The following CNNM2 variants were observed in gnomAD, a reference collection of about 807,000 sequenced individuals.
CNNM2 encodes the protein cyclin and CBS domain divalent metal cation transport mediator 2, also known as metal transporter CNNM2.
A neutral mutation model predicts 66.9 loss-of-function variants in CNNM2; 12 were observed. The ratio of observed to expected loss-of-function variants is 0.18; its 90% confidence interval spans 0.11 to 0.29. The LOEUF (loss-of-function observed/expected upper bound fraction) is 0.29, where lower values mean the gene tolerates loss of function less well. Among genes scored for constraint, CNNM2 ranks in the 10% least tolerant of loss-of-function variants. CNNM2 has a pLI of 1.00. For synonymous variants in CNNM2, 557 were observed against 501.8 expected (o/e 1.11, Z -1.47); for missense variants, 705 against 1,167.7 (o/e 0.60, Z 5.77).
At chr10:103,025,555 T>C (rs750419597) in intron 1 of CNNM2, among the ~76,000 whole-genome samples, 3 of 152,244 alleles carry the variant, frequency 2.0e-5, no homozygotes, top group Admixed American at 1.3e-4. Context: ...TCAACAGGCA[T>C]TGGAAGATGG....
intron 5 of CNNM2, among the ~76,000 whole-genome samples, chr10:103,070,905 A>G (rs2065568144): frequency 6.6e-6 from 1 of 151,734 alleles, no homozygotes; most frequent in Middle Eastern, 3.4e-3. Flanking sequence ...ACTCCAGCCC[A>G]GGTGACAGAG....
chr10:102,983,921 C>T (rs866080203), intron 1 of CNNM2, among the ~76,000 whole-genome samples: 76 of 152,040 alleles, frequency 5.0e-4, no homozygotes, highest in African/African-American at 1.1e-3. Context: ...CCCGCCACCA[C>T]GCCTGGCTAA....
At chr10:102,930,632 A>C (rs1846031309) in intron 1 of CNNM2, among the ~76,000 whole-genome samples, 1 of 152,220 alleles carries the variant, frequency 6.6e-6, no homozygotes, top group African/African-American at 2.4e-5. Flanking sequence ...AAGGTTGTGC[A>C]GTCATTACTA....
At chr10:103,051,843 A>C (rs1169641120) in intron 2 of CNNM2, among the ~76,000 whole-genome samples, 1 of 152,176 alleles carries the variant, frequency 6.6e-6, no homozygotes, top group African/African-American at 2.4e-5. Context: ...TTTTATCCTC[A>C]CATCTGAATA....
chr10:103,035,636 TC>T (rs1295615391), intron 1 of CNNM2, among the ~76,000 whole-genome samples: 3 of 152,220 alleles, frequency 2.0e-5, no homozygotes, highest in Non-Finnish European at 4.4e-5. Context: ...ACTGGAATTT[TC>T]TATTAATTGC....
At chr10:103,024,719 C>T (rs915469811) in intron 1 of CNNM2, among the ~76,000 whole-genome samples, 4 of 152,182 alleles carry the variant, frequency 2.6e-5, no homozygotes, top group Non-Finnish European at 2.9e-5. Flanking sequence ...ACCTCGTGAT[C>T]GACCCACTTC....
rs1321998364 is a variant in CNNM2 at position 102,987,147 on chromosome 10, A to G, written c.1622-62560A>G. ...GGAAGAAAACCAGAGGGTTTAGGGT[A>G]CAAAGGCTGAGGGTGGAGAGTTTGA... On this transcript the variant is annotated intron_variant, in intron 1 of 7. Coordinates refer to ENST00000369878, the MANE Select transcript of CNNM2 (RefSeq NM_017649.5). 2.6e-5 allele frequency among the ~76,000 whole-genome samples: 4 copies of G among 152,180 alleles called. No homozygotes were observed. In the East Asian group the frequency reaches 7.7e-4, roughly 29 times the overall value.
chr10:102,979,033 G>A (rs1405372199), intron 1 of CNNM2, among the ~76,000 whole-genome samples: 1 of 152,106 alleles, frequency 6.6e-6, no homozygotes, highest in African/African-American at 2.4e-5. Flanking sequence ...TTCTGCTAAT[G>A]GGCATTCAGA....
At chr10:103,030,163 A>G (rs2064796646) in intron 1 of CNNM2, among the ~76,000 whole-genome samples, 1 of 152,210 alleles carries the variant, frequency 6.6e-6, no homozygotes, top group Non-Finnish European at 1.5e-5. Context: ...GAGCAAAGCT[A>G]TGGGAGATGT....
rs2065757408 is a variant in CNNM2, at chr10:103,081,576, GGA to G, written c.*4403_*4404del. 1 of 152,148 alleles carries G rather than the reference GGA, an allele frequency of 6.6e-6. No individual in the cohort carries two copies. The highest frequency in any genetic ancestry group is 1.5e-5 in the Non-Finnish European group (1 of 68,036). 9.4% of individuals were successfully genotyped at this position (152,148 alleles called of 1,614,324 possible). On this transcript the variant is annotated 3_prime_UTR_variant, in exon 8 of 8. Coordinates refer to ENST00000369878, the MANE Select transcript of CNNM2 (RefSeq NM_017649.5). ...TCTTAGGTGTTCAAGTTGGTTAATA[GGA>G]GAGAGACGTTCAGAGACTTCTAAGT...
At chr10:103,017,107 G>A (rs1218525363) in intron 1 of CNNM2, among the ~76,000 whole-genome samples, 1 of 152,038 alleles carries the variant, frequency 6.6e-6, no homozygotes. Flanking sequence ...ACTTGGAAAG[G>A]TTTTATTCCT....
At position 103,054,515 on chromosome 10, in the gene CNNM2, G is replaced by C. The variant is rs202107466; in HGVS notation, c.1903+49G>C. The C allele has an allele frequency of 1.9e-6, 3 of 1,590,092 alleles. No individual in the cohort carries two copies. The highest frequency in any genetic ancestry group is 2.6e-6 in the Non-Finnish European group (3 of 1,164,736). ...GAGATCTCTACCAACCCTGAAGCGT[G>C]TTTCTCACCCACCACTGACTGGGGT... is the stretch of plus-strand genomic sequence containing the variant. On this transcript the variant is annotated intron_variant, in intron 3 of 7. Coordinates refer to ENST00000369878, the MANE Select transcript of CNNM2 (RefSeq NM_017649.5). The surrounding 1 kb of genome is among the most constrained non-coding windows in gnomAD (Gnocchi z 5.2).
rs775317544 is a variant in CNNM2 at position 103,054,481 on chromosome 10, T to A, written c.1903+15T>A. On this transcript the variant is annotated intron_variant, in intron 3 of 7. Transcript: ENST00000369878. The surrounding 1 kb of genome is among the most constrained non-coding windows in gnomAD (Gnocchi z 5.2). ...CCTAGCAACAGGCAAGTGCAGCTTA[T>A]CACAGTTTGAGATCTCTACCAACCC... The A allele has an allele frequency of 1.6e-5, 26 of 1,612,990 alleles. No homozygotes were observed. The South Asian group carries it at 2.7e-4, about 17-fold the overall frequency.
At chr10:102,997,529 G>C (rs1057165204) in intron 1 of CNNM2, among the ~76,000 whole-genome samples, 18 of 152,102 alleles carry the variant, frequency 1.2e-4, no homozygotes, top group Non-Finnish European at 2.6e-4. Flanking sequence ...AGACAGATGT[G>C]AGGTCTAGAT....
intron 1 of CNNM2, among the ~76,000 whole-genome samples, chr10:103,012,077 C>T (rs1020932260): frequency 1.3e-5 from 2 of 152,120 alleles, no homozygotes; most frequent in African/African-American, 4.8e-5. Flanking sequence ...TCAGAGGCAG[C>T]CATTGTTATT....
chr10:103,022,684 C>T (rs1268410022), intron 1 of CNNM2, among the ~76,000 whole-genome samples: 1 of 152,104 alleles, frequency 6.6e-6, no homozygotes, highest in Admixed American at 6.6e-5. Context: ...ATGTATTAGT[C>T]CATTTGCATT....
chr10:102,949,600 A>G (rs1846751412), intron 1 of CNNM2, among the ~76,000 whole-genome samples: 1 of 151,866 alleles, frequency 6.6e-6, no homozygotes, highest in Admixed American at 6.6e-5. Flanking sequence ...CCTGGCCAAT[A>G]TGGAGAAACC....
intron 1 of CNNM2, among the ~76,000 whole-genome samples, chr10:103,032,311 C>T (rs1214469058): frequency 2.6e-5 from 4 of 151,982 alleles, no homozygotes; most frequent in Admixed American, 1.3e-4. Context: ...AACAGCTGGG[C>T]GTGATGGTGC....
chr10:102,948,408 A>G (rs1299043390), intron 1 of CNNM2, among the ~76,000 whole-genome samples: 1 of 152,172 alleles, frequency 6.6e-6, no homozygotes, highest in Non-Finnish European at 1.5e-5. Context: ...AAAAGAGACT[A>G]TTGCAGGGAG....
Sources: allele counts gnomAD v4.1 joint callset (sites outside exome capture counted in the v4.1 genomes callset), GRCh38; gene constraint gnomAD v4.1.1; non-coding constraint Gnocchi (gnomAD v3.1); transcripts MANE v1.5; gene names NCBI Gene and HGNC (gene_info 2026-07-23, HGNC 2026-07-21).